TRPA1: variants seen among roughly 807,000 people sequenced by gnomAD.
TRPA1 encodes transient receptor potential cation channel subfamily A member 1, also known as ankyrin-like with transmembrane domains 1.
TRPA1 carries 129 observed loss-of-function variants against 131.3 expected under a neutral mutation model. That is an observed-to-expected ratio of 0.98 (90% CI 0.85 to 1.14). TRPA1 has a LOEUF of 1.14. TRPA1 is among the 50% of genes most tolerant of loss of function. The pLI is 0.00. For missense variants in TRPA1, 1,304 were observed against 1,354.2 expected (o/e 0.96, Z 0.58); for synonymous variants, 441 against 451.7 (o/e 0.98, Z 0.30).
intron 24 of TRPA1, among the ~76,000 whole-genome samples, chr8:72,028,550 G>A (rs942727338): frequency 6.6e-6 from 1 of 152,046 alleles, no homozygotes; most frequent in Non-Finnish European, 1.5e-5. Context: ...ATTTTTTCCT[G>A]TACCTGATCC....
intron 21 of TRPA1, among the ~76,000 whole-genome samples, chr8:72,035,606 T>C (rs1196814642): frequency 6.6e-6 from 1 of 152,136 alleles, no homozygotes; most frequent in Admixed American, 6.5e-5. Context: ...AAACTCAACA[T>C]TACCAACTGT....
At chr8:72,076,685 T>C (rs1330700253), upstream of TRPA1, 1 of 152,180 alleles carries the variant, frequency 6.6e-6, no homozygotes, top group Non-Finnish European at 1.5e-5. Context: ...CTAGGCAGAG[T>C]GGACATGATG....
chr8:72,054,125 A>G, intron 12 of TRPA1: 1 of 477,528 alleles, frequency 2.1e-6, no homozygotes, highest in East Asian at 4.1e-5. Context: ...ACACATTACC[A>G]AACACTTTGG....
the TRPA1 span, among the ~76,000 whole-genome samples, chr8:72,083,975 G>T: frequency 6.6e-5 from 10 of 150,536 alleles, no homozygotes; most frequent in Non-Finnish European, 1.3e-4. Context: ...TCGAAAGCTG[G>T]GTACTAGTTA....
Position 72,065,857 on chromosome 8 carries a change from AC to A in TRPA1, c.445-300del, listed in dbSNP as rs563953243. On this transcript the variant is annotated intron_variant, in intron 3 of 26. Coordinates refer to ENST00000262209, the MANE Select transcript of TRPA1 (RefSeq NM_007332.3). ...ATCATAGCTTCACTTAATACTTCTG[AC>A]TTGTAGTAAGTGAAGTTATGTTAAC... 4.5e-4 allele frequency among the ~76,000 whole-genome samples: 68 copies of A among 152,290 alleles called. No homozygotes were observed. The South Asian group carries it at 0.012, about 26-fold the overall frequency.
intron 3 of TRPA1, among the ~76,000 whole-genome samples, chr8:72,065,832 A>G (rs1174302838): frequency 6.6e-6 from 1 of 152,206 alleles, no homozygotes; most frequent in Non-Finnish European, 1.5e-5. Context: ...GATACTAGTT[A>G]TCATAGCTTC....
Position 72,022,057 on chromosome 8 carries a change from A to G in TRPA1, c.*849T>C, listed in dbSNP as rs78580746. The G allele has an allele frequency of 0.041, 6,189 of 152,280 alleles. 157 individuals are homozygous for G. The highest frequency in any genetic ancestry group is 0.12 in the Middle Eastern group (36 of 294). 9.4% of individuals were successfully genotyped at this position (152,280 alleles called of 1,614,324 possible). On this transcript the variant is annotated 3_prime_UTR_variant, in exon 27 of 27. Coordinates refer to ENST00000262209, the MANE Select transcript of TRPA1 (RefSeq NM_007332.3). ...ATGATGGAGAAAATCAGACAAAACAATAGAAGGACCTTGAAAAGATTAATG... is the reference window on the plus strand; with the variant it reads ...ATGATGGAGAAAATCAGACAAAACAGTAGAAGGACCTTGAAAAGATTAATG...
At chr8:72,035,910 G>A (rs1198523768) in intron 21 of TRPA1, among the ~76,000 whole-genome samples, 1 of 150,054 alleles carries the variant, frequency 6.7e-6, no homozygotes, top group Non-Finnish European at 1.5e-5. Flanking sequence ...TGTCATAACT[G>A]GACTGGGGTG....
chr8:72,063,134 C>A (rs1314269364), intron 5 of TRPA1, among the ~76,000 whole-genome samples, 190 bp from the exon 6 acceptor site: 1 of 151,920 alleles, frequency 6.6e-6, no homozygotes, highest in East Asian at 1.9e-4. Flanking sequence ...GTAATCCCAG[C>A]ACTTTGAGAG....
chr8:72,031,993 TTA>T (rs1275686317), intron 23 of TRPA1, among the ~76,000 whole-genome samples: 1 of 152,150 alleles, frequency 6.6e-6, no homozygotes, highest in Non-Finnish European at 1.5e-5. Context: ...TTTTGAAATC[TTA>T]GAGCTAACCC....
In TRPA1 at chr8:72,055,565, T is replaced by G; in HGVS notation, c.1400A>C (p.Gln467Pro). The G allele has an allele frequency of 6.2e-7, 1 of 1,613,672 alleles. No homozygotes were observed. Residue 467 changes from glutamine to proline, a missense_variant, in exon 12 of 27, where the codon CAA becomes CCA. Coordinates refer to ENST00000262209, the MANE Select transcript of TRPA1 (RefSeq NM_007332.3). ...GRINTCQRLL[Q>P]DISDTRLLNE... ...CAGAAGCCTCGTATCACTTATGTCT[T>G]GTAGGAGCCTCTGACAGGTATTGAT... is the stretch of plus-strand genomic sequence containing the variant.
chr8:72,082,153 A>G, the TRPA1 span, among the ~76,000 whole-genome samples: 2 of 151,934 alleles, frequency 1.3e-5, no homozygotes, highest in African/African-American at 4.8e-5. Context: ...TTTTCATAGT[A>G]TAGTGATTAC....
At chr8:72,072,128 C>A (rs1179841125) in intron 1 of TRPA1, among the ~76,000 whole-genome samples, 1 of 152,114 alleles carries the variant, frequency 6.6e-6, no homozygotes, top group East Asian at 1.9e-4. Flanking sequence ...GCCGTTCTTC[C>A]TCATTGTAAA....
chr8:72,072,702 T>C (rs1806092557), intron 1 of TRPA1, among the ~76,000 whole-genome samples: 1 of 152,176 alleles, frequency 6.6e-6, no homozygotes, highest in Non-Finnish European at 1.5e-5. Context: ...TTTGGAAGCA[T>C]TTTGGTACTT....
At chr8:72,068,871 G>A (rs1374042769) in intron 3 of TRPA1, 152 bp downstream of exon 3, 1 of 802,038 alleles carries the variant, frequency 1.2e-6, no homozygotes, top group African/African-American at 1.7e-5. Context: ...ATCATCATTA[G>A]TTAGTGAGAA....
intron 17 of TRPA1, among the ~76,000 whole-genome samples, chr8:72,046,305 C>G (rs964567476): frequency 6.6e-6 from 1 of 151,904 alleles, no homozygotes; most frequent in Non-Finnish European, 1.5e-5. Flanking sequence ...CTCCATCCAT[C>G]AAGTATTAAA....
intron 17 of TRPA1, among the ~76,000 whole-genome samples, chr8:72,045,532 G>C (rs959731370): frequency 6.7e-6 from 1 of 149,414 alleles, no homozygotes; most frequent in South Asian, 2.2e-4. Flanking sequence ...TAGTTTTTAA[G>C]TTAGGAAGCC....
At chr8:72,047,481 A>C (rs1476102644) in intron 15 of TRPA1, among the ~76,000 whole-genome samples, 1 of 152,128 alleles carries the variant, frequency 6.6e-6, no homozygotes, top group African/African-American at 2.4e-5. Flanking sequence ...TAGGCAAGAG[A>C]TATTCCACTA....
intron 24 of TRPA1, among the ~76,000 whole-genome samples, chr8:72,028,702 G>C (rs1001171255): frequency 6.6e-6 from 1 of 152,152 alleles, no homozygotes; most frequent in Non-Finnish European, 1.5e-5. Flanking sequence ...TGCTAAGTAG[G>C]CATAGTTGAC....
Sources: allele counts gnomAD v4.1 joint callset (sites outside exome capture counted in the v4.1 genomes callset), GRCh38; gene constraint gnomAD v4.1.1; transcripts MANE v1.5; gene names NCBI Gene and HGNC (gene_info 2026-07-23, HGNC 2026-07-21).